The following FGF14 variants were observed in gnomAD, a reference collection of about 807,000 sequenced individuals.
The protein encoded by FGF14 is fibroblast growth factor homologous factor 4.
FGF14 carries 5 observed loss-of-function variants against 25.5 expected under a neutral mutation model. That is an observed-to-expected ratio of 0.20 (90% CI 0.10 to 0.41). The LOEUF (loss-of-function observed/expected upper bound fraction) is 0.41, where lower values mean the gene tolerates loss of function less well. Ranked by LOEUF, FGF14 falls within the 10% of genes least tolerant of loss-of-function variation. The pLI, the probability that FGF14 is intolerant of heterozygous loss-of-function variation, is 1.00. For missense variants in FGF14, 222 were observed against 320.1 expected, an observed-to-expected ratio of 0.69 and a Z score of 2.34; for synonymous variants, 138 against 118.3, an observed-to-expected ratio of 1.17 and a Z score of -1.08.
At chr13:102,006,761 G>A (rs60107934) in intron 1 of FGF14, among the ~76,000 whole-genome samples, 2,946 of 95,748 alleles carry the variant, frequency 0.031, 161 homozygotes, top group African/African-American at 0.11. Context: ...TTTTTGAGAC[G>A]GAGTCTCGCT....
At chr13:102,091,572 G>C (rs1595241617) in intron 1 of FGF14, among the ~76,000 whole-genome samples, 2 of 152,116 alleles carry the variant, frequency 1.3e-5, no homozygotes, top group African/African-American at 4.8e-5. Flanking sequence ...AATACCAGCC[G>C]GCCATTGGTC....
intron 1 of FGF14, among the ~76,000 whole-genome samples, chr13:102,238,451 T>C (rs961865045): frequency 6.6e-6 from 1 of 152,246 alleles, no homozygotes; most frequent in Admixed American, 6.5e-5. Context: ...TTCATCAGCA[T>C]GCTTGACACT....
intron 1 of FGF14, among the ~76,000 whole-genome samples, chr13:102,331,236 G>A (rs1450693165): frequency 1.3e-5 from 2 of 152,156 alleles, no homozygotes; most frequent in African/African-American, 2.4e-5. Context: ...GTACAAAGCC[G>A]TTTTAATGAT....
intron 1 of FGF14, among the ~76,000 whole-genome samples, chr13:101,945,831 C>T (rs1390647747): frequency 1.3e-5 from 2 of 152,166 alleles, no homozygotes; most frequent in African/African-American, 2.4e-5. Flanking sequence ...TTAACGCCCA[C>T]GGAGCATTAT....
At chr13:102,382,955 TAG>T (rs2058218444) in intron 1 of FGF14, among the ~76,000 whole-genome samples, 1 of 152,038 alleles carries the variant, frequency 6.6e-6, no homozygotes, top group Non-Finnish European at 1.5e-5. Flanking sequence ...AATGGGGAAA[TAG>T]AGAGTTACTG....
At chr13:102,205,802 CA>C (rs1248005335) in intron 1 of FGF14, among the ~76,000 whole-genome samples, 2 of 143,892 alleles carry the variant, frequency 1.4e-5, no homozygotes, top group Non-Finnish European at 3.0e-5. Flanking sequence ...TGTCTACAAA[CA>C]AAAAAGTAGG....
At chr13:101,840,673 T>G (rs551330988) in intron 3 of FGF14, among the ~76,000 whole-genome samples, 1 of 151,970 alleles carries the variant, frequency 6.6e-6, no homozygotes, top group Admixed American at 6.6e-5. Context: ...AAATGTACTA[T>G]TTTGTGCATG....
chr13:102,029,190 T>C (rs1311562776), intron 1 of FGF14, among the ~76,000 whole-genome samples: 1 of 152,064 alleles, frequency 6.6e-6, no homozygotes, highest in Non-Finnish European at 1.5e-5. Flanking sequence ...TGTGTCTTTC[T>C]TCAAAGTCAA....
intron 1 of FGF14, among the ~76,000 whole-genome samples, chr13:101,979,974 A>C (rs1404316168): frequency 6.6e-6 from 1 of 152,210 alleles, no homozygotes; most frequent in African/African-American, 2.4e-5. Flanking sequence ...TGCTGCAAGG[A>C]AAACAGCTGC....
chr13:102,004,520 GCTCT>G (rs1042615999), intron 1 of FGF14, among the ~76,000 whole-genome samples: 1 of 152,160 alleles, frequency 6.6e-6, no homozygotes, highest in African/African-American at 2.4e-5. Context: ...CTTTAGTGAT[GCTCT>G]CTCTCTATAA....
rs1220880553 is a variant in FGF14, at chr13:102,161,566, G to GAAGAAAGAAAGA, written c.208+239893_208+239904dup. On this transcript the variant is annotated intron_variant, in intron 1 of 4. Transcript: ENST00000376131. ...ATTCTCTATGCAACCAACTTTCTGT[G>GAAGAAAGAAAGA]AAGAAAGAAAGAAGAAGAAGAAGAA... Among the ~76,000 whole-genome samples the GAAGAAAGAAAGA allele has an allele frequency of 8.9e-4, 2 of 2,258 alleles. 1 individual carries two copies. The highest frequency in any genetic ancestry group is 1.2e-3 in the Non-Finnish European group (2 of 1,722). 1.5% of individuals were successfully genotyped at this position (2,258 alleles called of 152,430 possible).
At chr13:101,761,716 AC>A (rs1275032497) in intron 3 of FGF14, among the ~76,000 whole-genome samples, 1 of 152,228 alleles carries the variant, frequency 6.6e-6, no homozygotes, top group Non-Finnish European at 1.5e-5. Flanking sequence ...ATATATAAAA[AC>A]ATCACTATGT....
intron 1 of FGF14, among the ~76,000 whole-genome samples, chr13:102,257,484 T>C (rs2052506135): frequency 6.6e-6 from 1 of 151,344 alleles, no homozygotes; most frequent in African/African-American, 2.4e-5. Flanking sequence ...CCTGAGTAGT[T>C]GGGACTATAG....
chr13:102,069,349 C>A (rs182226960), intron 1 of FGF14, among the ~76,000 whole-genome samples: 409 of 152,264 alleles, frequency 2.7e-3, no homozygotes, highest in Middle Eastern at 6.8e-3. Context: ...AAAGGCCACT[C>A]GGCTCTACCA....
At chr13:102,208,048 A>G (rs1489637015) in intron 1 of FGF14, among the ~76,000 whole-genome samples, 1 of 152,214 alleles carries the variant, frequency 6.6e-6, no homozygotes, top group African/African-American at 2.4e-5. Flanking sequence ...TTTCCAAGAT[A>G]AGTTATCCAA....
chr13:102,356,451 A>T (rs1170611811), intron 1 of FGF14, among the ~76,000 whole-genome samples: 2 of 152,248 alleles, frequency 1.3e-5, no homozygotes, highest in African/African-American at 4.8e-5. Context: ...CTCTTGCCTG[A>T]CAAAACATAG....
intron 1 of FGF14, among the ~76,000 whole-genome samples, chr13:102,348,400 G>T (rs1018087445): frequency 6.6e-6 from 1 of 152,112 alleles, no homozygotes; most frequent in Non-Finnish European, 1.5e-5. Flanking sequence ...GACAACCAGT[G>T]AGAGATGAAA....
intron 3 of FGF14, among the ~76,000 whole-genome samples, chr13:101,844,586 C>A (rs1261670419): frequency 6.6e-6 from 1 of 151,866 alleles, no homozygotes; most frequent in Non-Finnish European, 1.5e-5. Flanking sequence ...AGAACAGAAC[C>A]ACCGATTTTA....
At chr13:102,035,903 G>C (rs979974687) in intron 1 of FGF14, among the ~76,000 whole-genome samples, 2 of 152,120 alleles carry the variant, frequency 1.3e-5, no homozygotes, top group African/African-American at 4.8e-5. Context: ...AATGTGTGGA[G>C]CACATAAAGG....
Sources: gnomAD v4.1 joint callset for allele counts (sites outside exome capture counted in the v4.1 genomes callset) on GRCh38, gnomAD v4.1.1 for gene constraint, MANE v1.5 for transcripts, NCBI Gene and HGNC (gene_info 2026-07-23, HGNC 2026-07-21) for gene names.